Variants in DLGAP2 observed in about 807,000 individuals in gnomAD.
The protein encoded by DLGAP2 is disks large-associated protein 2.
In DLGAP2, 26 loss-of-function variants were observed where a neutral mutation model predicts 100.3. The ratio of observed to expected loss-of-function variants is 0.26; its 90% confidence interval spans 0.19 to 0.36. The LOEUF (loss-of-function observed/expected upper bound fraction) is 0.36, where lower values mean the gene tolerates loss of function less well. Among genes scored for constraint, DLGAP2 ranks in the 10% least tolerant of loss-of-function variants. The probability of loss-of-function intolerance (pLI) is 1.00; values close to 1 mark genes in which losing one functional copy is unlikely to be tolerated. For missense variants in DLGAP2, 1,858 were observed against 1,453.2 expected (o/e 1.28, Z -4.53); for synonymous variants, 886 against 630.1 (o/e 1.41, Z -6.08).
intron 3 of DLGAP2, among the ~76,000 whole-genome samples, chr8:1,408,749 C>T (rs1161864221): frequency 2.0e-5 from 3 of 152,082 alleles, no homozygotes; most frequent in Non-Finnish European, 4.4e-5. Flanking sequence ...CCGGGAAAGC[C>T]AGGTTTTGGG....
chr8:1,453,061 C>T (rs1303721400), intron 3 of DLGAP2, among the ~76,000 whole-genome samples: 1 of 152,112 alleles, frequency 6.6e-6, no homozygotes, highest in Admixed American at 6.5e-5. Flanking sequence ...CTCTGGGGTG[C>T]AAATGGACAC....
At chr8:1,199,044 G>A (rs1321355225) in intron 2 of DLGAP2, among the ~76,000 whole-genome samples, 3 of 152,348 alleles carry the variant, frequency 2.0e-5, no homozygotes, top group East Asian at 3.9e-4. Context: ...GAATAAAGGT[G>A]AAGTTCCAGA....
At chr8:1,443,687 G>A (rs184194016) in intron 3 of DLGAP2, among the ~76,000 whole-genome samples, 24 of 152,298 alleles carry the variant, frequency 1.6e-4, no homozygotes, top group South Asian at 6.2e-4. Context: ...TTGTGCAGGG[G>A]AACTGCCCTT....
At chr8:1,552,091 G>T (rs906266560) in intron 5 of DLGAP2, among the ~76,000 whole-genome samples, 15 of 152,144 alleles carry the variant, frequency 9.9e-5, no homozygotes, top group Admixed American at 2.6e-4. Flanking sequence ...CTCTGGTCCT[G>T]TTGTTCTGCA....
intron 2 of DLGAP2, among the ~76,000 whole-genome samples, chr8:1,074,892 G>T (rs542495331): frequency 6.6e-6 from 1 of 152,164 alleles, no homozygotes; most frequent in South Asian, 2.1e-4. Flanking sequence ...TCCTGCATGG[G>T]GTCAACCCAG....
At chr8:1,566,421 TATAGAC>T (rs1383833756) in intron 6 of DLGAP2, among the ~76,000 whole-genome samples, 7 of 152,302 alleles carry the variant, frequency 4.6e-5, no homozygotes, top group Admixed American at 3.9e-4. Flanking sequence ...ATTTTGAAAA[TATAGAC>T]AGATAAAACT....
chr8:1,436,323 C>T lies in DLGAP2; in HGVS notation c.107-65043C>T, dbSNP rs912407043. Among the ~76,000 whole-genome samples, 7 of 152,202 alleles carry T rather than the reference C, an allele frequency of 4.6e-5. No homozygotes were observed. The South Asian group carries it at 1.2e-3, about 27-fold the overall frequency. On this transcript the variant is annotated intron_variant, in intron 3 of 14. Coordinates refer to ENST00000637795, the MANE Select transcript of DLGAP2 (RefSeq NM_001346810.2). ...GCTGAAGAACTTGGAGTCTGATGTT[C>T]AAGGGCAGGAGGCATCCAGCATGGG...
rs370752515 is a variant in DLGAP2 at position 1,176,653 on chromosome 8, G to C, written c.74-82198G>C. Among the ~76,000 whole-genome samples, 378 of 152,296 alleles carry C rather than the reference G, an allele frequency of 2.5e-3. 9 individuals carry two copies. In the South Asian group the frequency reaches 0.039, roughly 16 times the overall value. On this transcript the variant is annotated intron_variant, in intron 2 of 14. Coordinates refer to ENST00000637795, the MANE Select transcript of DLGAP2 (RefSeq NM_001346810.2). ...ACGGGGAAGAAGTTGGAGGCTGGGC[G>C]AGAGGGCAGGAAGGTGAAGGTCACC... is the stretch of plus-strand genomic sequence containing the variant.
chr8:1,344,001 G>A (rs915965910), intron 3 of DLGAP2, among the ~76,000 whole-genome samples: 4 of 152,258 alleles, frequency 2.6e-5, no homozygotes, highest in East Asian at 1.9e-4. Context: ...ATTTACCAAC[G>A]TCCTATTCAC....
chr8:1,144,043 C>A (rs1315073347), intron 2 of DLGAP2, among the ~76,000 whole-genome samples: 1 of 152,196 alleles, frequency 6.6e-6, no homozygotes, highest in Admixed American at 6.5e-5. Flanking sequence ...CTGTTATTTC[C>A]CCACAGCACC....
intron 4 of DLGAP2, among the ~76,000 whole-genome samples, chr8:1,530,224 C>T (rs1800941750): frequency 6.6e-6 from 1 of 152,174 alleles, no homozygotes; most frequent in Non-Finnish European, 1.5e-5. Flanking sequence ...GAGACAGGTG[C>T]ACCTGGGGGG....
At chr8:1,187,711 C>T (rs1322287987) in intron 2 of DLGAP2, among the ~76,000 whole-genome samples, 3 of 137,674 alleles carry the variant, frequency 2.2e-5, no homozygotes, top group Non-Finnish European at 4.7e-5. Context: ...TGTGACGTTT[C>T]CCTCACGGAA....
chr8:759,559 C>G (rs1454442097), intron 1 of DLGAP2, among the ~76,000 whole-genome samples: 3 of 151,080 alleles, frequency 2.0e-5, no homozygotes, highest in African/African-American at 7.3e-5. Context: ...GGTGTGTGTC[C>G]AGCACTCCAG....
chr8:1,062,954 G>A (rs984812609), intron 2 of DLGAP2, among the ~76,000 whole-genome samples: 1 of 152,174 alleles, frequency 6.6e-6, no homozygotes, highest in African/African-American at 2.4e-5. Flanking sequence ...CTATAGCAAA[G>A]ATGCAGCAGC....
chr8:1,309,287 ATT>A (rs1800560258), intron 3 of DLGAP2, among the ~76,000 whole-genome samples: 1 of 152,238 alleles, frequency 6.6e-6, no homozygotes, highest in Non-Finnish European at 1.5e-5. Context: ...ACATGAAGAG[ATT>A]TGCAAAAGAC....
chr8:831,541 G>A (rs894709579), intron 1 of DLGAP2, among the ~76,000 whole-genome samples: 1 of 152,116 alleles, frequency 6.6e-6, no homozygotes, highest in African/African-American at 2.4e-5. Context: ...CAAAGGACGT[G>A]AACTCATCCT....
chr8:1,527,105 C>T (rs907747030), intron 4 of DLGAP2, among the ~76,000 whole-genome samples: 1 of 152,244 alleles, frequency 6.6e-6, no homozygotes, highest in Non-Finnish European at 1.5e-5. Context: ...ACCACAGCTT[C>T]ACATCGTCTA....
chr8:1,445,043 T>A (rs1035412656), intron 3 of DLGAP2, among the ~76,000 whole-genome samples: 17 of 151,404 alleles, frequency 1.1e-4, no homozygotes, highest in African/African-American at 4.1e-4. Flanking sequence ...GTGCTGGGAT[T>A]ACAGGCATGA....
intron 6 of DLGAP2, chr8:1,619,664 A>G (rs889004062): frequency 2.0e-5 from 3 of 152,244 alleles, no homozygotes; most frequent in South Asian, 2.1e-4. Context: ...AGTGCTCACC[A>G]TGTATTATAC....
Sources: allele counts gnomAD v4.1 joint callset (sites outside exome capture counted in the v4.1 genomes callset), GRCh38; gene constraint gnomAD v4.1.1; transcripts MANE v1.5; gene names NCBI Gene and HGNC (gene_info 2026-07-23, HGNC 2026-07-21).